PRKAR1A: variants seen among roughly 807,000 people sequenced by gnomAD.
The protein encoded by PRKAR1A is protein kinase cAMP-dependent type I regulatory subunit alpha.
In PRKAR1A, 3 loss-of-function variants were observed where a neutral mutation model predicts 52.0. That is an observed-to-expected ratio of 0.06 (90% CI 0.03 to 0.15). The LOEUF is 0.15. PRKAR1A is among the 10% of genes least tolerant of loss of function. PRKAR1A has a pLI of 1.00. For synonymous variants in PRKAR1A, 188 were observed against 168.4 expected (o/e 1.12, Z -0.90); for missense variants, 240 against 477.4 (o/e 0.50, Z 4.63).
At chr17:68,545,903 C>T (rs1452802237) in intron 11 of PRKAR1A, among the ~76,000 whole-genome samples, 1 of 152,208 alleles carries the variant, frequency 6.6e-6, no homozygotes, top group African/African-American at 2.4e-5. Context: ...GGTGCGGTGG[C>T]TCATGCCTGT....
intron 6 of PRKAR1A, 68 bp downstream of exon 6, chr17:68,525,026 A>G: frequency 1.5e-6 from 2 of 1,303,490 alleles, no homozygotes; most frequent in Admixed American, 1.7e-5. Flanking sequence ...TCCGAGCAAT[A>G]AGAATAGTGA....
the PRKAR1A span, chr17:68,457,306 C>A: frequency 2.0e-6 from 3 of 1,538,218 alleles, no homozygotes; most frequent in African/African-American, 2.8e-5. Flanking sequence ...ACACTCTGTC[C>A]CCCACCTCCC....
At chr17:68,510,162 A>AGAGAGAG (rs1555810697), upstream of PRKAR1A, among the ~76,000 whole-genome samples, 2 of 109,262 alleles carry the variant, frequency 1.8e-5, no homozygotes, top group African/African-American at 7.2e-5. Flanking sequence ...ATGTAGACAG[A>AGAGAGAG]GAGAGAGAGA....
chr17:68,542,740 C>T, intron 11 of PRKAR1A: 1 of 1,614,138 alleles, frequency 6.2e-7, no homozygotes, highest in Non-Finnish European at 8.5e-7. Context: ...TCTTGGTGAC[C>T]TCTAGGATTT....
chr17:68,539,902 G>C, intron 11 of PRKAR1A: 1 of 1,614,170 alleles, frequency 6.2e-7, no homozygotes, highest in Non-Finnish European at 8.5e-7. Context: ...CGTTGTCAAG[G>C]TGAATAAGGA....
the PRKAR1A span, chr17:68,421,761 G>A: frequency 1.2e-6 from 2 of 1,614,022 alleles, no homozygotes; most frequent in South Asian, 1.1e-5. Context: ...GATTTCTGAG[G>A]TGTGCTTCTC....
chr17:68,465,238 G>A, the PRKAR1A span, among the ~76,000 whole-genome samples: 4 of 151,454 alleles, frequency 2.6e-5, no homozygotes, highest in African/African-American at 7.3e-5. Flanking sequence ...GGCCCCGGCC[G>A]GGTTATTTTT....
At chr17:68,512,341 A>T (rs1408602397), upstream of PRKAR1A, 1 of 152,928 alleles carries the variant, frequency 6.5e-6, no homozygotes, top group Non-Finnish European at 1.5e-5. Context: ...TGCGCCCTTA[A>T]GGTTGCTAAG....
chr17:68,469,084 T>C, the PRKAR1A span, among the ~76,000 whole-genome samples: 1 of 152,208 alleles, frequency 6.6e-6, no homozygotes, highest in Non-Finnish European at 1.5e-5. Context: ...TCCTGAGCAG[T>C]TGAAAGAGTC....
chr17:68,513,438 C>G (rs2085334753), intron 1 of PRKAR1A, among the ~76,000 whole-genome samples: 2 of 152,330 alleles, frequency 1.3e-5, no homozygotes, highest in South Asian at 4.1e-4. Flanking sequence ...CGGTCTGAAT[C>G]AGGAACAGTT....
chr17:68,530,753 G>C lies in PRKAR1A; in HGVS notation c.*304G>C. On this transcript the variant is annotated 3_prime_UTR_variant, in exon 11 of 11. Coordinates refer to ENST00000589228, the MANE Select transcript of PRKAR1A (RefSeq NM_002734.5). The stretch of plus-strand genomic sequence containing the variant: ...TGCTTTTTGGTGAGGGCAGATCCCA[G>C]CACCTATTGAATTACCATAGAGTAA... 7.6e-7 allele frequency: 1 copy of C among 1,323,702 alleles called. No homozygotes were observed. 82.0% of individuals were successfully genotyped at this position (1,323,702 alleles called of 1,614,324 possible).
chr17:68,525,004 G>A (rs1358848487), intron 6 of PRKAR1A, 46 bp downstream of exon 6: 1 of 1,464,838 alleles, frequency 6.8e-7, no homozygotes. Flanking sequence ...AAAAGCCAAT[G>A]TATTGATCGC....
chr17:68,537,285 G>A (rs557669191), downstream of PRKAR1A: 145 of 779,510 alleles, frequency 1.9e-4, no homozygotes, highest in Non-Finnish European at 1.7e-4. This position sits in a 1 kb window ranked among gnomAD's most constrained non-coding sequence, Gnocchi z 4.2. Flanking sequence ...GGCAACGCAC[G>A]ACAGAAGCGG....
the PRKAR1A span, among the ~76,000 whole-genome samples, chr17:68,449,827 A>G: frequency 6.6e-6 from 1 of 152,308 alleles, no homozygotes; most frequent in East Asian, 1.9e-4. Flanking sequence ...AGAATAGACG[A>G]ATACACTCTG....
chr17:68,529,571 A>C (rs1286214068), intron 9 of PRKAR1A, among the ~76,000 whole-genome samples: 1 of 152,178 alleles, frequency 6.6e-6, no homozygotes, highest in African/African-American at 2.4e-5. Flanking sequence ...CAAAGTCTCA[A>C]CTCTTGTCAT....
the PRKAR1A span, among the ~76,000 whole-genome samples, chr17:68,437,518 C>G: frequency 2.0e-5 from 3 of 151,442 alleles, no homozygotes; most frequent in Non-Finnish European, 4.4e-5. Flanking sequence ...AGTGCCACTG[C>G]ACTCCAGCCT....
the PRKAR1A span, chr17:68,434,761 G>C: frequency 2.5e-6 from 2 of 814,522 alleles, no homozygotes; most frequent in South Asian, 3.6e-5. Context: ...GAGCATAGAG[G>C]CATGTTTATT....
At chr17:68,486,573 TTTCC>T in the PRKAR1A span, among the ~76,000 whole-genome samples, 29 of 141,304 alleles carry the variant, frequency 2.1e-4, no homozygotes, top group East Asian at 1.0e-3. Flanking sequence ...TTCTTTCTTC[TTTCC>T]TTCCTTCCTT....
At chr17:68,415,815 G>C in the PRKAR1A span, among the ~76,000 whole-genome samples, 10 of 152,226 alleles carry the variant, frequency 6.6e-5, no homozygotes, top group East Asian at 1.2e-3. Context: ...AGTTGGTTTT[G>C]TCTGATATAA....
Sources: allele counts gnomAD v4.1 joint callset (sites outside exome capture counted in the v4.1 genomes callset), GRCh38; gene constraint gnomAD v4.1.1; non-coding constraint Gnocchi (gnomAD v3.1); transcripts MANE v1.5; gene names NCBI Gene and HGNC (gene_info 2026-07-23, HGNC 2026-07-21).